The following GNAI1 variants were observed in gnomAD, a reference collection of about 807,000 sequenced individuals.
GNAI1 encodes the protein G protein subunit alpha i1.
Under a neutral mutation model 38.9 loss-of-function variants are expected in GNAI1, and 11 were observed. The observed-to-expected ratio is 0.28, with a 90% confidence interval of 0.18 to 0.47. GNAI1 has a LOEUF of 0.47. Among genes scored for constraint, GNAI1 ranks in the 20% least tolerant of loss-of-function variants. GNAI1 has a pLI of 0.99. For synonymous variants in GNAI1, 166 were observed against 145.1 expected (o/e 1.14, Z -1.04); for missense variants, 317 against 436.9 (o/e 0.73, Z 2.45).
intron 1 of GNAI1, among the ~76,000 whole-genome samples, chr7:80,188,437 T>A (rs1254788201): frequency 6.6e-6 from 1 of 152,216 alleles, no homozygotes; most frequent in Non-Finnish European, 1.5e-5. Flanking sequence ...GTTTTTTTAT[T>A]TGAGTTGATT....
At chr7:80,139,207 T>G (rs1488936659) in intron 1 of GNAI1, among the ~76,000 whole-genome samples, 1 of 152,106 alleles carries the variant, frequency 6.6e-6, no homozygotes, top group Non-Finnish European at 1.5e-5. Flanking sequence ...TACCTTCTGT[T>G]TTTCATTTTC....
At position 80,217,977 on chromosome 7, in the gene GNAI1, A is replaced by G. The variant is rs1789002139; in HGVS notation, c.*484A>G. On this transcript the variant is annotated 3_prime_UTR_variant, in exon 8 of 8. Transcript: ENST00000649796. ...TAAGTACAGTAATTAATATTAGGAA[A>G]CATTACAGCCCTTATCTAGATTATA... 6.6e-6 allele frequency: 1 copy of G among 152,562 alleles called. No homozygotes were observed. Among genetic ancestry groups the G allele is most frequent in the Admixed American group, 6.6e-5 (1 of 15,254 alleles). 9.5% of individuals were successfully genotyped at this position (152,562 alleles called of 1,614,324 possible).
intron 1 of GNAI1, among the ~76,000 whole-genome samples, chr7:80,139,521 G>T (rs999403427): frequency 1.3e-5 from 2 of 152,156 alleles, no homozygotes; most frequent in African/African-American, 4.8e-5. Flanking sequence ...TTTTCCTACT[G>T]CTGTGGGCAC....
chr7:80,210,519 TAGG>T (rs1788854280), intron 5 of GNAI1, among the ~76,000 whole-genome samples: 2 of 152,122 alleles, frequency 1.3e-5, no homozygotes, highest in African/African-American at 4.8e-5. Context: ...CATGTTTTAG[TAGG>T]AGGAGGGGTC....
chr7:80,195,003 A>G (rs540383436), intron 3 of GNAI1, among the ~76,000 whole-genome samples: 1 of 152,020 alleles, frequency 6.6e-6, no homozygotes, highest in Non-Finnish European at 1.5e-5. Context: ...ATATTGATAT[A>G]TATGTGGCAA....
chr7:80,143,762 C>A (rs929571829), intron 1 of GNAI1, among the ~76,000 whole-genome samples: 2 of 152,124 alleles, frequency 1.3e-5, no homozygotes, highest in African/African-American at 4.8e-5. Context: ...ACTTAGAATA[C>A]TACATGGTAC....
At chr7:80,208,843 G>T (rs991194135) in intron 5 of GNAI1, among the ~76,000 whole-genome samples, 5 of 152,132 alleles carry the variant, frequency 3.3e-5, no homozygotes, top group African/African-American at 1.2e-4. Flanking sequence ...TCCACCCAGC[G>T]CTGGAACACA....
intron 1 of GNAI1, among the ~76,000 whole-genome samples, chr7:80,180,189 G>T (rs1279939731): frequency 2.0e-5 from 3 of 152,134 alleles, no homozygotes; most frequent in Admixed American, 6.5e-5. Context: ...ATGATTTCCT[G>T]ATGAAGAAAA....
At chr7:80,213,842 GT>G (rs35471308) in intron 7 of GNAI1, among the ~76,000 whole-genome samples, 13,929 of 148,102 alleles carry the variant, frequency 0.094, 800 homozygotes, top group South Asian at 0.2. Flanking sequence ...CACTCTTCCT[GT>G]TTTTTTTTTT....
chr7:80,210,893 T>C (rs1227393434), intron 5 of GNAI1, 76 bp from the exon 6 acceptor site: 1 of 1,292,956 alleles, frequency 7.7e-7, no homozygotes, highest in Non-Finnish European at 1.1e-6. Flanking sequence ...TCAGAGCTTT[T>C]TTTGTTAGCA....
chr7:80,135,804 T>G, intron 1 of GNAI1: 1 of 985,548 alleles, frequency 1.0e-6, no homozygotes, highest in Middle Eastern at 5.2e-4. Context: ...TGAAGCGTCT[T>G]TCCTGTTAAC....
chr7:80,162,902 G>C (rs1004543950), intron 1 of GNAI1, among the ~76,000 whole-genome samples: 28 of 152,186 alleles, frequency 1.8e-4, no homozygotes, highest in African/African-American at 6.8e-4. Flanking sequence ...ATATTGATAG[G>C]TTTCTGCTCT....
At chr7:80,157,863 C>T (rs1312489981) in intron 1 of GNAI1, among the ~76,000 whole-genome samples, 1 of 152,086 alleles carries the variant, frequency 6.6e-6, no homozygotes, top group East Asian at 1.9e-4. Context: ...CTCACCAAAA[C>T]ACCCGGCTAA....
At chr7:80,163,862 G>A (rs1787965346) in intron 1 of GNAI1, among the ~76,000 whole-genome samples, 1 of 151,964 alleles carries the variant, frequency 6.6e-6, no homozygotes, top group African/African-American at 2.4e-5. Flanking sequence ...ACTGCTCTAG[G>A]CCTCAGATAT....
chr7:80,190,468 A>C (rs1788462655), intron 3 of GNAI1, among the ~76,000 whole-genome samples: 1 of 152,166 alleles, frequency 6.6e-6, no homozygotes, highest in Non-Finnish European at 1.5e-5. Flanking sequence ...CATAAATTAG[A>C]GTGATTTCCA....
chr7:80,175,939 C>T (rs1788176173), intron 1 of GNAI1, among the ~76,000 whole-genome samples: 1 of 152,138 alleles, frequency 6.6e-6, no homozygotes, highest in Admixed American at 6.5e-5. Flanking sequence ...GGAAGAGTCA[C>T]AAGTCTCTCA....
intron 4 of GNAI1, among the ~76,000 whole-genome samples, chr7:80,202,657 T>C (rs779512177): frequency 2.8e-4 from 42 of 152,230 alleles, no homozygotes; most frequent in Non-Finnish European, 4.7e-4. Flanking sequence ...TATTCTAGTA[T>C]AATTACCACA....
intron 5 of GNAI1, among the ~76,000 whole-genome samples, chr7:80,205,000 G>A (rs1389946270): frequency 6.6e-6 from 1 of 152,042 alleles, no homozygotes; most frequent in Non-Finnish European, 1.5e-5. Context: ...AGAGGCAGAA[G>A]TTCTTTTTTT....
intron 5 of GNAI1, among the ~76,000 whole-genome samples, chr7:80,207,947 T>C (rs1292724945): frequency 6.6e-6 from 1 of 152,138 alleles, no homozygotes; most frequent in African/African-American, 2.4e-5. Context: ...ATTCTTTCTA[T>C]CCTAAAATTA....
Sources: gnomAD v4.1 joint callset for allele counts (sites outside exome capture counted in the v4.1 genomes callset) on GRCh38, gnomAD v4.1.1 for gene constraint, MANE v1.5 for transcripts, NCBI Gene and HGNC (gene_info 2026-07-23, HGNC 2026-07-21) for gene names.